Variants in DBT observed in about 807,000 individuals in gnomAD.
DBT encodes dihydrolipoamide branched chain transacylase E2.
In DBT, 40 loss-of-function variants were observed where a neutral mutation model predicts 51.3. The observed-to-expected ratio is 0.78, with a 90% CI of 0.61 to 1.02. The LOEUF (loss-of-function observed/expected upper bound fraction) is 1.02. Ranked by LOEUF, DBT falls within the 50% of genes least tolerant of loss-of-function variation. The pLI, the probability that DBT is intolerant of heterozygous loss-of-function variation, is 0.00. For missense variants in DBT, 510 were observed against 580.2 expected, an observed-to-expected ratio of 0.88 and a Z score of 1.24; for synonymous variants, 181 against 190.4, an observed-to-expected ratio of 0.95 and a Z score of 0.41.
intron 4 of DBT, among the ~76,000 whole-genome samples, chr1:100,226,410 A>G (rs1442758731): frequency 6.6e-6 from 1 of 150,676 alleles, no homozygotes; most frequent in Non-Finnish European, 1.5e-5. Flanking sequence ...CAGCCTCCTA[A>G]GTAGCTGGGA....
rs1341590093 is a variant in DBT, at chr1:100,206,555, T to C, written c.1099A>G (p.Ile367Val). 2 of 1,611,528 alleles carry C rather than the reference T, an allele frequency of 1.2e-6. No homozygotes were observed. Among genetic ancestry groups the C allele is most frequent in the Non-Finnish European group, 1.7e-6 (2 of 1,177,754 alleles). ...PNVKNVQICS[I>V]FDIATELNRL... ...TTCAGTTCAGTGGCGATGTCAAATA[T>C]AGAGCAGATCTGAACATTTTTCACA... Residue 367 changes from isoleucine to valine, a missense_variant, in exon 9 of 11, where the codon ATA becomes GTA. Physicochemically the swap from Ile to Val is conservative, Grantham distance 29. Transcript: ENST00000370132.
At chr1:100,216,554 C>A (rs775693733) in intron 5 of DBT, among the ~76,000 whole-genome samples, 8 of 152,218 alleles carry the variant, frequency 5.3e-5, no homozygotes, top group Non-Finnish European at 1.0e-4. Flanking sequence ...GCTGGAATTA[C>A]AGGCGTGAGC....
chr1:100,207,613 G>A (rs898056225), intron 8 of DBT, among the ~76,000 whole-genome samples: 3 of 151,968 alleles, frequency 2.0e-5, no homozygotes, highest in African/African-American at 7.2e-5. Context: ...CTTGAGGCCA[G>A]GAGTTTGAGA....
rs1027036449 is a variant in DBT at position 100,188,096 on chromosome 1, T to C, written c.*8159A>G. 3 of 152,234 alleles carry C rather than the reference T, an allele frequency of 2.0e-5. No homozygotes were observed. Among genetic ancestry groups the C allele is most frequent in the Non-Finnish European group, 4.4e-5 (3 of 68,042 alleles). The allele number at this position is 152,234 out of a possible 1,614,324, so 9.4% of individuals were successfully genotyped here. ...TTGAACCAACAGGCCCTTCTAATCTTATGCCAGCAACACAATGGGATCGAG... is the reference window on the plus strand; with the variant it reads ...TTGAACCAACAGGCCCTTCTAATCTCATGCCAGCAACACAATGGGATCGAG... On this transcript the variant is annotated 3_prime_UTR_variant, in exon 11 of 11. Transcript: ENST00000370132.
At chr1:100,245,486 A>G (rs1000354098) in intron 1 of DBT, among the ~76,000 whole-genome samples, 3 of 152,236 alleles carry the variant, frequency 2.0e-5, no homozygotes, top group African/African-American at 7.2e-5. Flanking sequence ...ACCTAGTTCT[A>G]TGGGGACCAT....
intron 4 of DBT, among the ~76,000 whole-genome samples, chr1:100,228,494 C>A (rs1663349504): frequency 6.6e-6 from 1 of 152,204 alleles, no homozygotes; most frequent in Admixed American, 6.5e-5. Flanking sequence ...CATGGTGGCT[C>A]ATGCCTGTAA....
At chr1:100,243,090 A>AC (rs1474478318) in intron 1 of DBT, among the ~76,000 whole-genome samples, 2 of 151,014 alleles carry the variant, frequency 1.3e-5, no homozygotes, top group Non-Finnish European at 3.0e-5. Context: ...ACATGACGAG[A>AC]CCCCCTCTCT....
intron 4 of DBT, among the ~76,000 whole-genome samples, chr1:100,220,056 G>C (rs940137063): frequency 2.6e-5 from 4 of 151,922 alleles, no homozygotes; most frequent in Non-Finnish European, 5.9e-5. Context: ...GAAGTGGGAG[G>C]ATCACTTGGG....
intron 10 of DBT, among the ~76,000 whole-genome samples, chr1:100,197,833 C>A (rs1427843861): frequency 6.6e-6 from 1 of 151,996 alleles, no homozygotes; most frequent in African/African-American, 2.4e-5. Context: ...ATGACTTAAA[C>A]AATTTAGCAA....
intron 4 of DBT, among the ~76,000 whole-genome samples, chr1:100,228,848 A>G (rs906002415): frequency 1.3e-5 from 2 of 152,218 alleles, no homozygotes; most frequent in African/African-American, 4.8e-5. Context: ...TATACAATAT[A>G]TTATTTTGGT....
intron 4 of DBT, among the ~76,000 whole-genome samples, chr1:100,225,320 A>T (rs1048992971): frequency 2.6e-5 from 4 of 152,020 alleles, no homozygotes; most frequent in African/African-American, 9.7e-5. Flanking sequence ...GAAATCATAT[A>T]GCATGTTTTC....
intron 5 of DBT, 138 bp from the exon 6 acceptor site, chr1:100,216,337 C>T (rs964776937): frequency 1.5e-6 from 1 of 689,322 alleles, no homozygotes; most frequent in Admixed American, 2.3e-5. Flanking sequence ...TTTTCATTTT[C>T]TACTTAAGTA....
chr1:100,239,145 A>G (rs531131530), intron 2 of DBT, among the ~76,000 whole-genome samples: 51 of 152,356 alleles, frequency 3.3e-4, no homozygotes, highest in African/African-American at 1.2e-3. Context: ...CAGGTGATCA[A>G]TAAATATTAA....
intron 4 of DBT, 39 bp from the exon 5 acceptor site, chr1:100,218,786 ATTT>A (rs79284286): frequency 3.0e-6 from 4 of 1,328,204 alleles, no homozygotes; most frequent in African/African-American, 1.5e-5. Flanking sequence ...TTGAAAAAAA[ATTT>A]TTTTTTTTTA....
At chr1:100,247,448 C>T (rs1664605799) in intron 1 of DBT, among the ~76,000 whole-genome samples, 1 of 152,166 alleles carries the variant, frequency 6.6e-6, no homozygotes, top group Admixed American at 6.5e-5. Flanking sequence ...CCTGTAATCC[C>T]AGCACTTTGG....
intron 1 of DBT, among the ~76,000 whole-genome samples, chr1:100,244,307 G>A (rs183893692): frequency 7.8e-4 from 118 of 152,194 alleles, no homozygotes; most frequent in Non-Finnish European, 1.3e-3. Context: ...CTTGACCAAA[G>A]GTATAAAAGA....
chr1:100,206,155 G>T, intron 10 of DBT, 75 bp downstream of exon 10: 1 of 972,240 alleles, frequency 1.0e-6, no homozygotes, highest in Non-Finnish European at 1.6e-6. Context: ...GGAAACCTTA[G>T]AAATGGTTAC....
rs1248180062 is a variant in DBT at position 100,187,579 on chromosome 1, G to A, written c.*8676C>T. On this transcript the variant is annotated 3_prime_UTR_variant, in exon 11 of 11. Transcript: ENST00000370132. ...GTCTCACTCTGTCACCCAGGCTGGA[G>A]TGCAGTGGTGCAATCACAGCTCACT... 1.3e-5 allele frequency: 2 copies of A among 152,160 alleles called. No individual in the cohort carries two copies. Among genetic ancestry groups the A allele is most frequent in the East Asian group, 1.9e-4 (1 of 5,198 alleles). 9.4% of individuals were successfully genotyped at this position (152,160 alleles called of 1,614,324 possible).
At chr1:100,204,232 G>A (rs981624625) in intron 10 of DBT, among the ~76,000 whole-genome samples, 1 of 152,188 alleles carries the variant, frequency 6.6e-6, no homozygotes, top group African/African-American at 2.4e-5. Context: ...ATCTCCTTAA[G>A]CTGATAAGCA....
Sources: gnomAD v4.1 joint callset for allele counts (sites outside exome capture counted in the v4.1 genomes callset) on GRCh38, gnomAD v4.1.1 for gene constraint, MANE v1.5 for transcripts, NCBI Gene and HGNC (gene_info 2026-07-23, HGNC 2026-07-21) for gene names.